The following H2BC14 variants were observed in gnomAD, a reference collection of about 807,000 sequenced individuals.
The protein encoded by H2BC14 is histone H2B type 1-M.
H2BC14 carries 17 observed loss-of-function variants against 6.3 expected under a neutral mutation model. The ratio of observed to expected loss-of-function variants is 2.70; its 90% CI spans 1.84 to 4.04. The LOEUF (loss-of-function observed/expected upper bound fraction) is 4.04. Ranked by LOEUF, H2BC14 falls within the 30% of genes most tolerant of loss-of-function variation. The probability of loss-of-function intolerance (pLI) is 0.00; values close to 1 mark genes in which losing one functional copy is unlikely to be tolerated. For missense variants in H2BC14, 235 were observed against 165.1 expected (o/e 1.42, Z -2.32); for synonymous variants, 131 against 69.0 (o/e 1.90, Z -4.45).
In H2BC14 at chr6:27,815,283, C is replaced by G. The variant is rs1760646381; in HGVS notation, c.240C>G (p.Arg80=). 6.2e-7 allele frequency: 1 copy of G among 1,614,250 alleles called. No individual in the cohort carries two copies. Among genetic ancestry groups the G allele is most frequent in the Non-Finnish European group, 8.5e-7 (1 of 1,180,054 alleles). The change falls in exon 1 of 1, where the codon CGC becomes CGG. Residue 80 remains arginine (R), a synonymous_variant. Transcript: ENST00000621112. ...IFERIAGEAS[R]LAHYNKRSTI... ...AGCGTATCGCCGGAGAAGCGTCACGCCTGGCGCATTACAACAAGCGCTCGA... is the reference window on the plus strand; with the variant it reads ...AGCGTATCGCCGGAGAAGCGTCACGGCTGGCGCATTACAACAAGCGCTCGA...
Position 27,815,072 on chromosome 6 carries a change from T to C in H2BC14, c.29T>C (p.Val10Ala). 2 of 1,613,008 alleles carry C rather than the reference T, an allele frequency of 1.2e-6. No homozygotes were observed. The highest frequency in any genetic ancestry group is 1.7e-6 in the Non-Finnish European group (2 of 1,179,494). The change falls in exon 1 of 1, where the codon GTC (valine) becomes GCC (alanine). Residue 10 changes from valine to alanine, a missense_variant. Physicochemically the swap from Val to Ala is moderately conservative, Grantham distance 64. Coordinates refer to ENST00000621112, the MANE Select transcript of H2BC14 (RefSeq NM_003521.3). MPEPVKSAPVPKKGSKKAIN... is the reference protein window; with the variant it reads MPEPVKSAPAPKKGSKKAIN... ...CCTGAACCAGTCAAATCTGCTCCAG[T>C]CCCTAAAAAAGGCTCCAAGAAGGCC...
rs1380066812 is a variant in H2BC14, at chr6:27,815,066, C to T, written c.23C>T (p.Ala8Val). 16 of 1,612,596 alleles carry T rather than the reference C, an allele frequency of 9.9e-6. No individual in the cohort carries two copies. Among genetic ancestry groups the T allele is most frequent in the East Asian group, 2.2e-5 (1 of 44,894 alleles). Residue 8 changes from alanine to valine, a missense_variant, in exon 1 of 1, where the codon GCT becomes GTT. Ala to Val is a moderately conservative substitution (Grantham distance 64). Transcript: ENST00000621112. ...ACCATGCCTGAACCAGTCAAATCTGCTCCAGTCCCTAAAAAAGGCTCCAAG... is the reference window on the plus strand; with the variant it reads ...ACCATGCCTGAACCAGTCAAATCTGTTCCAGTCCCTAAAAAAGGCTCCAAG... Reference protein sequence around the residue: MPEPVKSAPVPKKGSKKA... With the variant: MPEPVKSVPVPKKGSKKA...
chr6:27,815,386 G>A lies in H2BC14; in HGVS notation c.343G>A (p.Gly115Ser), dbSNP rs1159319290. 1 of 1,614,142 alleles carries A rather than the reference G, an allele frequency of 6.2e-7. No individual in the cohort carries two copies. The highest frequency in any genetic ancestry group is 1.3e-5 in the African/African-American group (1 of 75,042). ...GELAKHAVSE[G>S]TKAVTKYTSS... ...ATTGGCCAAGCACGCCGTGTCCGAG[G>A]GCACCAAGGCCGTCACCAAGTATAC... The change falls in exon 1 of 1, where the codon GGC (glycine) becomes AGC (serine). Residue 115 changes from glycine to serine, a missense_variant. Gly to Ser is a moderately conservative substitution (Grantham distance 56). Coordinates refer to ENST00000621112, the MANE Select transcript of H2BC14 (RefSeq NM_003521.3).
rs1030301763 is a variant in H2BC14 at position 27,815,110 on chromosome 6, C to T, written c.67C>T (p.Gln23Ter). 2 of 1,614,120 alleles carry T rather than the reference C, an allele frequency of 1.2e-6. No homozygotes were observed. The highest frequency in any genetic ancestry group is 2.2e-5 in the East Asian group (1 of 44,882). Residue 23 changes from glutamine to a stop codon, truncating the protein, a stop_gained, in exon 1 of 1, where the codon CAG (glutamine) becomes TAG (stop). Transcript: ENST00000621112. LOFTEE classifies it high-confidence loss of function. Reference sequence around the variant, plus strand: ...CTCCAAGAAGGCCATTAACAAGGCTCAGAAGAAGGATGGAAAGAAGCGCAA... The same window carrying T: ...CTCCAAGAAGGCCATTAACAAGGCTTAGAAGAAGGATGGAAAGAAGCGCAA... ...KGSKKAINKA[Q>*]KKDGKKRKRS...
chr6:27,815,147 A>G lies in H2BC14; in HGVS notation c.104A>G (p.Lys35Arg), dbSNP rs1760641995. ...KDGKKRKRSR[K>R]ESYSVYVYKV... is the part of the protein sequence containing the mutation. ...GGAAAGAAGCGCAAACGCAGCCGCAAGGAGAGCTACTCTGTGTATGTGTAC... is the reference window on the plus strand; with the variant it reads ...GGAAAGAAGCGCAAACGCAGCCGCAGGGAGAGCTACTCTGTGTATGTGTAC... The change falls in exon 1 of 1, where the codon AAG becomes AGG. Residue 35 changes from lysine (K) to arginine (R), a missense_variant. Transcript: ENST00000621112. The G allele has an allele frequency of 2.5e-6, 4 of 1,614,128 alleles. No individual in the cohort carries two copies. The highest frequency in any genetic ancestry group is 1.1e-5 in the South Asian group (1 of 91,090).
At position 27,815,088 on chromosome 6, in the gene H2BC14, C is replaced by T. The variant is rs1186240812; in HGVS notation, c.45C>T (p.Ser15=). 11 of 1,613,658 alleles carry T rather than the reference C, an allele frequency of 6.8e-6. No individual in the cohort carries two copies. The highest frequency in any genetic ancestry group is 1.3e-5 in the African/African-American group (1 of 74,846). The change falls in exon 1 of 1, where the codon TCC becomes TCT. Residue 15 remains serine (S), a synonymous_variant. Transcript: ENST00000621112. ...CTGCTCCAGTCCCTAAAAAAGGCTC[C>T]AAGAAGGCCATTAACAAGGCTCAGA... The part of the protein sequence containing the change: ...VKSAPVPKKG[S]KKAINKAQKK...
Position 27,815,108 on chromosome 6 carries a change from C to T in H2BC14, c.65C>T (p.Ala22Val), listed in dbSNP as rs775947141. 1.7e-5 allele frequency: 27 copies of T among 1,614,022 alleles called. No individual in the cohort carries two copies. The highest frequency in any genetic ancestry group is 2.1e-5 in the Non-Finnish European group (25 of 1,180,010). Residue 22 changes from alanine (A) to valine (V), a missense_variant, in exon 1 of 1, where the codon GCT (alanine) becomes GTT (valine). By Grantham distance (64) the Ala-to-Val change is moderately conservative. Coordinates refer to ENST00000621112, the MANE Select transcript of H2BC14 (RefSeq NM_003521.3). ...KKGSKKAINK[A>V]QKKDGKKRKR... Reference sequence around the variant, plus strand: ...GGCTCCAAGAAGGCCATTAACAAGGCTCAGAAGAAGGATGGAAAGAAGCGC... The same window carrying T: ...GGCTCCAAGAAGGCCATTAACAAGGTTCAGAAGAAGGATGGAAAGAAGCGC...
Position 27,815,453 on chromosome 6 carries a change from T to G in H2BC14, c.*29T>G, listed in dbSNP as rs763552593. 2.7e-5 allele frequency: 44 copies of G among 1,610,978 alleles called. No homozygotes were observed. The South Asian group carries it at 4.4e-4, about 16-fold the overall frequency. ...TCTCGCTGCAGTAACAGTTCCGCCGTGACCCACACCCCAAAGGCTCTTTTC... is the reference window on the plus strand; with the variant it reads ...TCTCGCTGCAGTAACAGTTCCGCCGGGACCCACACCCCAAAGGCTCTTTTC... On this transcript the variant is annotated 3_prime_UTR_variant, in exon 1 of 1. Transcript: ENST00000621112.
Position 27,815,351 on chromosome 6 carries a change from T to A in H2BC14, c.308T>A (p.Leu103Gln). ...REIQTAVRLL[L>Q]PGELAKHAVS... ...ATCCAGACGGCCGTGCGCCTACTGCTACCCGGGGAATTGGCCAAGCACGCC... is the reference window on the plus strand; with the variant it reads ...ATCCAGACGGCCGTGCGCCTACTGCAACCCGGGGAATTGGCCAAGCACGCC... The change falls in exon 1 of 1, where the codon CTA (leucine) becomes CAA (glutamine). Residue 103 changes from leucine (L) to glutamine (Q), a missense_variant. By Grantham distance (113) the Leu-to-Gln change is moderately radical. Transcript: ENST00000621112. 6.2e-7 allele frequency: 1 copy of A among 1,614,180 alleles called. No individual in the cohort carries two copies. Among genetic ancestry groups the A allele is most frequent in the Non-Finnish European group, 8.5e-7 (1 of 1,180,022 alleles).
chr6:27,815,192 A>C lies in H2BC14; in HGVS notation c.149A>C (p.His50Pro). The change falls in exon 1 of 1, where the codon CAC becomes CCC. Residue 50 changes from histidine to proline, a missense_variant. Coordinates refer to ENST00000621112, the MANE Select transcript of H2BC14 (RefSeq NM_003521.3). ...GTGTACAAGGTGCTGAAGCAGGTCCACCCCGACACCGGCATCTCTTCCAAG... is the reference window on the plus strand; with the variant it reads ...GTGTACAAGGTGCTGAAGCAGGTCCCCCCCGACACCGGCATCTCTTCCAAG... ...VYVYKVLKQV[H>P]PDTGISSKAM... 1 of 1,614,164 alleles carries C rather than the reference A, an allele frequency of 6.2e-7. No homozygotes were observed. The highest frequency in any genetic ancestry group is 8.5e-7 in the Non-Finnish European group (1 of 1,180,040).
rs771794985 is a variant in H2BC14, at chr6:27,815,267, C to T, written c.224C>T (p.Ala75Val). 1.9e-6 allele frequency: 3 copies of T among 1,614,108 alleles called. No individual in the cohort carries two copies. The highest frequency in any genetic ancestry group is 2.2e-5 in the East Asian group (1 of 44,896). ...GTCAACGACATCTTTGAGCGTATCG[C>T]CGGAGAAGCGTCACGCCTGGCGCAT... ...SFVNDIFERI[A>V]GEASRLAHYN... Residue 75 changes from alanine to valine, a missense_variant, in exon 1 of 1, where the codon GCC (alanine) becomes GTC (valine). Transcript: ENST00000621112.
In H2BC14 at chr6:27,815,299, A is replaced by G. The variant is rs1760646906; in HGVS notation, c.256A>G (p.Lys86Glu). 2 of 1,614,162 alleles carry G rather than the reference A, an allele frequency of 1.2e-6. No homozygotes were observed. The highest frequency in any genetic ancestry group is 1.1e-5 in the South Asian group (1 of 91,078). ...GEASRLAHYN[K>E]RSTITSREIQ... ...AGCGTCACGCCTGGCGCATTACAAC[A>G]AGCGCTCGACCATCACTTCGAGGGA... Residue 86 changes from lysine (K) to glutamate (E), a missense_variant, in exon 1 of 1, where the codon AAG becomes GAG. Transcript: ENST00000621112.
chr6:27,815,332 A>G lies in H2BC14; in HGVS notation c.289A>G (p.Thr97Ala). ...GACCATCACTTCGAGGGAGATCCAG[A>G]CGGCCGTGCGCCTACTGCTACCCGG... Reference protein sequence around the residue: ...RSTITSREIQTAVRLLLPGEL... With the variant: ...RSTITSREIQAAVRLLLPGEL... Residue 97 changes from threonine to alanine, a missense_variant, in exon 1 of 1, where the codon ACG becomes GCG. Coordinates refer to ENST00000621112, the MANE Select transcript of H2BC14 (RefSeq NM_003521.3). 2 of 1,614,188 alleles carry G rather than the reference A, an allele frequency of 1.2e-6. No individual in the cohort carries two copies. The highest frequency in any genetic ancestry group is 8.5e-7 in the Non-Finnish European group (1 of 1,180,038).
Position 27,815,419 on chromosome 6 carries a change from A to G in H2BC14, c.376A>G (p.Lys126Glu), listed in dbSNP as rs1760650364. ...GGCCGTCACCAAGTATACCAGCTCCAAGTGAGCCTCTCGCTGCAGTAACAG... is the reference window on the plus strand; with the variant it reads ...GGCCGTCACCAAGTATACCAGCTCCGAGTGAGCCTCTCGCTGCAGTAACAG... ...TKAVTKYTSS[K>E] The change falls in exon 1 of 1, where the codon AAG (lysine) becomes GAG (glutamate). Residue 126 changes from lysine (K) to glutamate (E), a missense_variant. Lys to Glu is a moderately conservative substitution (Grantham distance 56). Transcript: ENST00000621112. The G allele has an allele frequency of 6.2e-7, 1 of 1,613,952 alleles. No homozygotes were observed. The highest frequency in any genetic ancestry group is 1.1e-5 in the South Asian group (1 of 91,078).
Position 27,815,485 on chromosome 6 carries a change from G to T in H2BC14, c.*61G>T, listed in dbSNP as rs1050319917. On this transcript the variant is annotated 3_prime_UTR_variant, in exon 1 of 1. Coordinates refer to ENST00000621112, the MANE Select transcript of H2BC14 (RefSeq NM_003521.3). ...CACCCCAAAGGCTCTTTTCAGAGCC[G>T]TCCACGTTTCTCAAGAAAGAGCCAG... The T allele has an allele frequency of 1.0e-4, 157 of 1,569,628 alleles. No homozygotes were observed. The highest frequency in any genetic ancestry group is 1.3e-4 in the Non-Finnish European group (150 of 1,161,854).
Position 27,815,172 on chromosome 6 carries a change from C to G in H2BC14, c.129C>G (p.Tyr43Ter). ...AGGAGAGCTACTCTGTGTATGTGTACAAGGTGCTGAAGCAGGTCCACCCCG... is the reference window on the plus strand; with the variant it reads ...AGGAGAGCTACTCTGTGTATGTGTAGAAGGTGCTGAAGCAGGTCCACCCCG... The part of the protein sequence containing the change: ...SRKESYSVYV[Y>*]KVLKQVHPDT... The change falls in exon 1 of 1, where the codon TAC becomes TAG. Residue 43 changes from tyrosine (Y) to a stop codon, truncating the protein, a stop_gained. Coordinates refer to ENST00000621112, the MANE Select transcript of H2BC14 (RefSeq NM_003521.3). LOFTEE classifies it high-confidence loss of function. The G allele has an allele frequency of 6.2e-7, 1 of 1,614,176 alleles. No individual in the cohort carries two copies. Among genetic ancestry groups the G allele is most frequent in the Non-Finnish European group, 8.5e-7 (1 of 1,180,034 alleles).
rs1381870058 is a variant in H2BC14, at chr6:27,815,331, G to C, written c.288G>C (p.Gln96His). The change falls in exon 1 of 1, where the codon CAG becomes CAC. Residue 96 changes from glutamine to histidine, a missense_variant. Coordinates refer to ENST00000621112, the MANE Select transcript of H2BC14 (RefSeq NM_003521.3). ...CGACCATCACTTCGAGGGAGATCCA[G>C]ACGGCCGTGCGCCTACTGCTACCCG... Reference protein sequence around the residue: ...KRSTITSREIQTAVRLLLPGE... With the variant: ...KRSTITSREIHTAVRLLLPGE... 6.2e-7 allele frequency: 1 copy of C among 1,614,158 alleles called. No individual in the cohort carries two copies. The highest frequency in any genetic ancestry group is 8.5e-7 in the Non-Finnish European group (1 of 1,180,062).
In H2BC14 at chr6:27,815,399, T is replaced by C. The variant is rs1760650066; in HGVS notation, c.356T>C (p.Val119Ala). ...KHAVSEGTKA[V>A]TKYTSSK is the part of the protein sequence containing the mutation. Reference sequence around the variant, plus strand: ...GCCGTGTCCGAGGGCACCAAGGCCGTCACCAAGTATACCAGCTCCAAGTGA... The same window carrying C: ...GCCGTGTCCGAGGGCACCAAGGCCGCCACCAAGTATACCAGCTCCAAGTGA... The change falls in exon 1 of 1, where the codon GTC (valine) becomes GCC (alanine). Residue 119 changes from valine (V) to alanine (A), a missense_variant. By Grantham distance (64) the Val-to-Ala change is moderately conservative. Coordinates refer to ENST00000621112, the MANE Select transcript of H2BC14 (RefSeq NM_003521.3). The C allele has an allele frequency of 1.2e-6, 2 of 1,613,992 alleles. No homozygotes were observed. The highest frequency in any genetic ancestry group is 1.3e-5 in the African/African-American group (1 of 74,920).
chr6:27,815,457 C>T lies in H2BC14; in HGVS notation c.*33C>T. 1 of 1,610,078 alleles carries T rather than the reference C, an allele frequency of 6.2e-7. No individual in the cohort carries two copies. The highest frequency in any genetic ancestry group is 8.5e-7 in the Non-Finnish European group (1 of 1,178,476). On this transcript the variant is annotated 3_prime_UTR_variant, in exon 1 of 1. Transcript: ENST00000621112. Reference sequence around the variant, plus strand: ...GCTGCAGTAACAGTTCCGCCGTGACCCACACCCCAAAGGCTCTTTTCAGAG... The same window carrying T: ...GCTGCAGTAACAGTTCCGCCGTGACTCACACCCCAAAGGCTCTTTTCAGAG...
Sources: allele counts gnomAD v4.1 joint callset, GRCh38; gene constraint gnomAD v4.1.1; transcripts MANE v1.5; gene names NCBI Gene and HGNC (gene_info 2026-07-23, HGNC 2026-07-21).